MYLK4: variants seen among roughly 807,000 people sequenced by gnomAD.
MYLK4 encodes the protein myosin light chain kinase family member 4.
Under a neutral mutation model 48.1 loss-of-function variants are expected in MYLK4, and 46 were observed. That is an observed-to-expected ratio of 0.96 (90% CI 0.75 to 1.22). The LOEUF (loss-of-function observed/expected upper bound fraction) is 1.22. Ranked by LOEUF, MYLK4 falls within the 50% of genes most tolerant of loss-of-function variation. The probability of loss-of-function intolerance (pLI) is 0.00; values close to 1 mark genes in which losing one functional copy is unlikely to be tolerated. For missense variants in MYLK4, 451 were observed against 486.1 expected (o/e 0.93, Z 0.68); for synonymous variants, 170 against 180.8 (o/e 0.94, Z 0.48).
At chr6:2,687,068 A>G (rs887319221) in intron 4 of MYLK4, among the ~76,000 whole-genome samples, 2 of 152,184 alleles carry the variant, frequency 1.3e-5, no homozygotes, top group Non-Finnish European at 2.9e-5. Context: ...CTCATTGAAC[A>G]TGGCAAGCAG....
At chr6:2,678,437 GCTTTT>G (rs1458173375) in intron 9 of MYLK4, 65 bp from the exon 10 acceptor site, 10 of 1,540,864 alleles carry the variant, frequency 6.5e-6, no homozygotes, top group Non-Finnish European at 1.8e-6. Flanking sequence ...CATACAGATT[GCTTTT>G]CTGGTTGTGC....
chr6:2,760,241 A>T, the MYLK4 span, among the ~76,000 whole-genome samples: 1 of 152,230 alleles, frequency 6.6e-6, no homozygotes, highest in Non-Finnish European at 1.5e-5. Flanking sequence ...GATGACTTAA[A>T]ATATATGGGA....
intron 2 of MYLK4, among the ~76,000 whole-genome samples, chr6:2,735,903 T>C (rs1330489240): frequency 6.6e-6 from 1 of 152,190 alleles, no homozygotes; most frequent in Non-Finnish European, 1.5e-5. Context: ...AATTTAATCC[T>C]CCCAATAATC....
intron 2 of MYLK4, among the ~76,000 whole-genome samples, chr6:2,725,555 C>CA (rs1554131495): frequency 1.1e-5 from 1 of 89,672 alleles, no homozygotes; most frequent in African/African-American, 4.1e-5. Flanking sequence ...AACAAAGAAA[C>CA]AAAGAAAGAA....
At chr6:2,740,505 G>T (rs763537402) in intron 2 of MYLK4, among the ~76,000 whole-genome samples, 1 of 152,230 alleles carries the variant, frequency 6.6e-6, no homozygotes, top group Non-Finnish European at 1.5e-5. Flanking sequence ...GCCTGCTTCA[G>T]TCCTATGGGC....
intron 2 of MYLK4, among the ~76,000 whole-genome samples, chr6:2,727,917 A>G (rs1307012296): frequency 6.8e-6 from 1 of 146,460 alleles, no homozygotes; most frequent in Non-Finnish European, 1.5e-5. Flanking sequence ...ACTGCGCTCC[A>G]GCCTGGGCGA....
At chr6:2,683,477 T>G (rs1761408013) in intron 6 of MYLK4, among the ~76,000 whole-genome samples, 1 of 150,510 alleles carries the variant, frequency 6.6e-6, no homozygotes, top group Non-Finnish European at 1.5e-5. Context: ...TAGAGGGCAG[T>G]GGCAGGATCT....
At chr6:2,682,991 T>TA in intron 7 of MYLK4, 30 bp downstream of exon 7, 1 of 1,614,020 alleles carries the variant, frequency 6.2e-7, no homozygotes, top group Non-Finnish European at 8.5e-7. Flanking sequence ...GGGAAGGGCT[T>TA]ACGTCTCACA....
chr6:2,721,032 C>A (rs6931611), intron 2 of MYLK4, among the ~76,000 whole-genome samples: 129,352 of 151,698 alleles, frequency 0.85, 55,232 homozygotes, highest in Admixed American at 0.89. Flanking sequence ...GTGGTGGCAC[C>A]TGCCTGTAGT....
chr6:2,695,730 G>A (rs1186143651), intron 2 of MYLK4, among the ~76,000 whole-genome samples: 2 of 152,152 alleles, frequency 1.3e-5, no homozygotes, highest in Non-Finnish European at 2.9e-5. Flanking sequence ...GACAGACGCT[G>A]TATTTCTCCT....
intron 11 of MYLK4, among the ~76,000 whole-genome samples, chr6:2,674,603 G>A (rs2113093608): frequency 6.6e-6 from 1 of 152,342 alleles, no homozygotes; most frequent in East Asian, 1.9e-4. Flanking sequence ...GCCGGGTGCA[G>A]TGGCTCAGGC....
intron 2 of MYLK4, 42 bp downstream of exon 2, chr6:2,749,094 A>G (rs748647033): frequency 6.4e-7 from 1 of 1,571,044 alleles, no homozygotes; most frequent in South Asian, 1.1e-5. Context: ...AAGATAAGAT[A>G]GAATGAATAC....
the MYLK4 span, among the ~76,000 whole-genome samples, chr6:2,758,187 G>A: frequency 6.6e-6 from 1 of 152,028 alleles, no homozygotes; most frequent in Admixed American, 6.6e-5. Flanking sequence ...AAAATTTAGA[G>A]CCAAGATTCT....
upstream of MYLK4, among the ~76,000 whole-genome samples, chr6:2,751,710 C>T (rs1764292475): frequency 6.6e-6 from 1 of 152,170 alleles, no homozygotes; most frequent in African/African-American, 2.4e-5. Context: ...ATTCTAACAC[C>T]AGCCTCTGCT....
intron 11 of MYLK4, among the ~76,000 whole-genome samples, chr6:2,674,139 C>T (rs996017312): frequency 2.0e-5 from 3 of 152,012 alleles, no homozygotes; most frequent in African/African-American, 4.8e-5. Flanking sequence ...ATGAGGAAGT[C>T]GGAATATAAA....
chr6:2,685,651 G>C lies in MYLK4; in HGVS notation c.342-75C>G. ...GAGTGGACAGCGCACAGTGGCCCCA[G>C]TATTTCTCCTGCTGAGTCTGGATGA... On this transcript the variant is annotated intron_variant, in intron 4 of 12. Transcript: ENST00000274643. The surrounding 1 kb of genome is among the most constrained non-coding windows in gnomAD (Gnocchi z 4.5). The C allele has an allele frequency of 7.4e-7, 1 of 1,347,612 alleles. No homozygotes were observed. Among genetic ancestry groups the C allele is most frequent in the Admixed American group, 1.7e-5 (1 of 58,480 alleles). The allele number at this position is 1,347,612 out of a possible 1,614,324, so 83.5% of individuals were successfully genotyped here. A position where few individuals can be genotyped will look rare whatever the true frequency, so the allele number is the denominator to read the frequency against.
chr6:2,763,901 C>G, the MYLK4 span, among the ~76,000 whole-genome samples: 10 of 151,812 alleles, frequency 6.6e-5, no homozygotes, highest in African/African-American at 2.4e-4. Flanking sequence ...AATCCCAGCA[C>G]TTTGGGAGAC....
At position 2,710,213 on chromosome 6, in the gene MYLK4, C is replaced by T. The variant is rs1315344404; in HGVS notation, c.160-17354G>A. Among the ~76,000 whole-genome samples, 12 of 152,100 alleles carry T rather than the reference C, an allele frequency of 7.9e-5. No individual in the cohort carries two copies. In the South Asian group the frequency reaches 1.9e-3, roughly 24 times the overall value. On this transcript the variant is annotated intron_variant, in intron 2 of 12. Coordinates refer to ENST00000274643, the MANE Select transcript of MYLK4 (RefSeq NM_001012418.5). ...AATGATGCCTCACTCCTGCAGGCTG[C>T]GTTGAATAAACATAGAAATTGATCC...
At chr6:2,692,574 C>A (rs1761843763) in intron 3 of MYLK4, among the ~76,000 whole-genome samples, 1 of 137,190 alleles carries the variant, frequency 7.3e-6, no homozygotes, top group Non-Finnish European at 1.5e-5. Flanking sequence ...GGAAATATGA[C>A]CAATTGGGTT....
Sources: allele counts gnomAD v4.1 joint callset (sites outside exome capture counted in the v4.1 genomes callset), GRCh38; gene constraint gnomAD v4.1.1; non-coding constraint Gnocchi (gnomAD v3.1); transcripts MANE v1.5; gene names NCBI Gene and HGNC (gene_info 2026-07-23, HGNC 2026-07-21).